The following CLSTN2 variants were observed in gnomAD, a reference collection of about 807,000 sequenced individuals.
CLSTN2 encodes calsyntenin 2.
Under a neutral mutation model 101.2 loss-of-function variants are expected in CLSTN2, and 48 were observed. The observed-to-expected ratio is 0.47, with a 90% CI of 0.38 to 0.60. The LOEUF (loss-of-function observed/expected upper bound fraction) is 0.60. Ranked by LOEUF, CLSTN2 falls within the 20% of genes least tolerant of loss-of-function variation. The probability of loss-of-function intolerance (pLI) is 0.00; values close to 1 mark genes in which losing one functional copy is unlikely to be tolerated. For missense variants in CLSTN2, 1,160 were observed against 1,238.2 expected (o/e 0.94, Z 0.95); for synonymous variants, 481 against 463.6 (o/e 1.04, Z -0.48).
intron 1 of CLSTN2, among the ~76,000 whole-genome samples, chr3:140,040,409 T>C (rs535992375): frequency 6.6e-6 from 1 of 152,206 alleles, no homozygotes; most frequent in South Asian, 2.1e-4. Context: ...ATAGGTTAGA[T>C]ATAGTCAAAT....
chr3:140,543,475 G>T (rs1935527035), intron 9 of CLSTN2, among the ~76,000 whole-genome samples: 1 of 152,182 alleles, frequency 6.6e-6, no homozygotes. Flanking sequence ...TATTTCCAAA[G>T]TGAAGATGTT....
Position 140,183,923 on chromosome 3 carries a change from T to A in CLSTN2, c.232+7850T>A, listed in dbSNP as rs138833080. Among the ~76,000 whole-genome samples the A allele has an allele frequency of 2.0e-4, 30 of 152,346 alleles. No individual in the cohort carries two copies. The East Asian group carries it at 5.8e-3, about 29-fold the overall frequency. ...TGAAGTTGTAATTTCAGCCCAGATGTCTGCAAGTATTGCTGTGCAACAACC... is the reference window on the plus strand; with the variant it reads ...TGAAGTTGTAATTTCAGCCCAGATGACTGCAAGTATTGCTGTGCAACAACC... On this transcript the variant is annotated intron_variant, in intron 2 of 16. Coordinates refer to ENST00000458420, the MANE Select transcript of CLSTN2 (RefSeq NM_022131.3).
At chr3:140,485,813 T>C (rs979510502) in intron 8 of CLSTN2, among the ~76,000 whole-genome samples, 2 of 151,878 alleles carry the variant, frequency 1.3e-5, no homozygotes, top group African/African-American at 2.4e-5. Flanking sequence ...AAAAGCACAG[T>C]AGTATTAGGG....
intron 5 of CLSTN2, among the ~76,000 whole-genome samples, chr3:140,427,185 A>AATATATATATATATGTGTG (rs2088575748): frequency 1.2e-5 from 1 of 83,152 alleles, no homozygotes; most frequent in African/African-American, 7.7e-5. Context: ...AAAAAAAAAA[A>AATATATATATATATGTGTG]TATATATATA....
At chr3:140,186,711 C>G (rs968406896) in intron 2 of CLSTN2, among the ~76,000 whole-genome samples, 23 of 152,134 alleles carry the variant, frequency 1.5e-4, no homozygotes, top group African/African-American at 5.6e-4. Flanking sequence ...TCAATATGAT[C>G]TACAAACTTT....
intron 1 of CLSTN2, among the ~76,000 whole-genome samples, chr3:140,126,378 G>A (rs2009429893): frequency 6.6e-6 from 1 of 152,046 alleles, no homozygotes; most frequent in Admixed American, 6.5e-5. Flanking sequence ...AAGTGGCAGT[G>A]GGGATCCAGA....
At chr3:140,343,207 T>C (rs2087508805) in intron 2 of CLSTN2, among the ~76,000 whole-genome samples, 2 of 152,210 alleles carry the variant, frequency 1.3e-5, no homozygotes, top group Admixed American at 1.3e-4. Flanking sequence ...CCACAGAGGC[T>C]GCTCCAGAGT....
intron 2 of CLSTN2, among the ~76,000 whole-genome samples, chr3:140,260,492 A>G (rs916159166): frequency 6.6e-6 from 1 of 151,100 alleles, no homozygotes; most frequent in African/African-American, 2.4e-5. Flanking sequence ...AAAAAGTTAT[A>G]TGGTTTTTAT....
At chr3:140,316,603 T>C (rs1270035348) in intron 2 of CLSTN2, among the ~76,000 whole-genome samples, 1 of 152,228 alleles carries the variant, frequency 6.6e-6, no homozygotes, top group Non-Finnish European at 1.5e-5. Context: ...TCTGCTGGTA[T>C]GTCAGTTTCT....
chr3:140,573,989 A>G lies in CLSTN2; in HGVS notation c.*7736A>G, dbSNP rs987847372. 9 of 152,138 alleles carry G rather than the reference A, an allele frequency of 5.9e-5. No individual in the cohort carries two copies. Among genetic ancestry groups the G allele is most frequent in the African/African-American group, 2.2e-4 (9 of 41,422 alleles). 9.4% of individuals were successfully genotyped at this position (152,138 alleles called of 1,614,324 possible). The stretch of plus-strand genomic sequence containing the variant: ...CCATGTGAGACTAGTATAGATCTCC[A>G]ACTATTGCTGCCTCTGCTGATATGG... On this transcript the variant is annotated 3_prime_UTR_variant, in exon 17 of 17. Coordinates refer to ENST00000458420, the MANE Select transcript of CLSTN2 (RefSeq NM_022131.3).
rs142795617 is a variant in CLSTN2 at position 140,368,191 on chromosome 3, C to T, written c.233-35438C>T. On this transcript the variant is annotated intron_variant, in intron 2 of 16. Transcript: ENST00000458420. ...AAGAAGCCTCCCAGATGAGGTGGCC[C>T]GGCTGTATTTTAAAGGACTAGTGGC... Among the ~76,000 whole-genome samples, 214 of 152,176 alleles carry T rather than the reference C, an allele frequency of 1.4e-3. 1 individual carries two copies. The highest frequency in any genetic ancestry group is 2.1e-3 in the Non-Finnish European group (140 of 67,994).
Position 140,563,106 on chromosome 3 carries a change from C to A in CLSTN2, c.2385C>A (p.Val795=). 1.2e-6 allele frequency: 2 copies of A among 1,614,108 alleles called. No homozygotes were observed. The highest frequency in any genetic ancestry group is 1.7e-6 in the Non-Finnish European group (2 of 1,179,978). Residue 795 remains valine, a synonymous_variant, in exon 15 of 17, where the codon GTC becomes GTA. Coordinates refer to ENST00000458420, the MANE Select transcript of CLSTN2 (RefSeq NM_022131.3). ...TCAGCATCCTTCATGAAGACCAAGT[C>A]TCAGATAAGGAGCATGTCAATCATC... ...LEVSILHEDQ[V]SDKEHVNHLI... is the part of the protein sequence containing the mutation.
chr3:140,346,426 G>T (rs1479508281), intron 2 of CLSTN2, among the ~76,000 whole-genome samples: 1 of 152,126 alleles, frequency 6.6e-6, no homozygotes, highest in African/African-American at 2.4e-5. Flanking sequence ...TCTGGTTGTT[G>T]CTCCCTTTCA....
intron 2 of CLSTN2, among the ~76,000 whole-genome samples, chr3:140,372,449 C>G (rs538167529): frequency 2.6e-5 from 4 of 152,292 alleles, no homozygotes; most frequent in South Asian, 2.1e-4. Context: ...CAGATGATGA[C>G]TTGGGATGAG....
intron 2 of CLSTN2, among the ~76,000 whole-genome samples, chr3:140,330,484 C>T (rs1299771953): frequency 1.3e-5 from 2 of 152,186 alleles, no homozygotes; most frequent in African/African-American, 4.8e-5. Context: ...GTACTAAACC[C>T]CAGTTTGCCC....
intron 1 of CLSTN2, among the ~76,000 whole-genome samples, chr3:140,165,962 G>A (rs1414651923): frequency 1.3e-5 from 2 of 152,124 alleles, no homozygotes; most frequent in Admixed American, 1.3e-4. Flanking sequence ...GTGAGCAGGG[G>A]ATGGGCTGGA....
At chr3:140,166,814 G>A (rs764034431) in intron 1 of CLSTN2, among the ~76,000 whole-genome samples, 62 of 152,262 alleles carry the variant, frequency 4.1e-4, no homozygotes, top group Non-Finnish European at 6.8e-4. Flanking sequence ...TAAGAAAGAG[G>A]CAAGAATTAG....
At chr3:140,303,478 A>T (rs1401795857) in intron 2 of CLSTN2, among the ~76,000 whole-genome samples, 1 of 152,158 alleles carries the variant, frequency 6.6e-6, no homozygotes, top group Non-Finnish European at 1.5e-5. Flanking sequence ...CTGCTTGTAG[A>T]AGAGAAATAA....
chr3:140,330,740 G>T (rs867041786), intron 2 of CLSTN2, among the ~76,000 whole-genome samples: 3 of 152,132 alleles, frequency 2.0e-5, no homozygotes, highest in Admixed American at 1.3e-4. Flanking sequence ...TCTAAAATTC[G>T]GATTCTGTGA....
Sources: allele counts gnomAD v4.1 joint callset (sites outside exome capture counted in the v4.1 genomes callset), GRCh38; gene constraint gnomAD v4.1.1; transcripts MANE v1.5; gene names NCBI Gene and HGNC (gene_info 2026-07-23, HGNC 2026-07-21).